Variants in ABCC9 observed in about 807,000 individuals in gnomAD.
ABCC9 encodes ATP-binding cassette sub-family C member 9.
ABCC9 carries 95 observed loss-of-function variants against 188.3 expected under a neutral mutation model. The observed-to-expected ratio is 0.50, with a 90% CI of 0.43 to 0.60. The LOEUF (loss-of-function observed/expected upper bound fraction) is 0.60. Ranked by LOEUF, ABCC9 falls within the 20% of genes least tolerant of loss-of-function variation. ABCC9 has a pLI of 0.00. For synonymous variants in ABCC9, 659 were observed against 652.7 expected, an observed-to-expected ratio of 1.01 and a Z score of -0.15; for missense variants, 1,102 against 1,876.3, an observed-to-expected ratio of 0.59 and a Z score of 7.62.
chr12:21,829,278 T>C (rs1202764677), intron 30 of ABCC9, among the ~76,000 whole-genome samples: 1 of 129,988 alleles, frequency 7.7e-6, no homozygotes, highest in Non-Finnish European at 1.6e-5. Context: ...CTCGGCTCAC[T>C]GCAAGCTCCG....
chr12:21,907,195 A>G (rs1295004747), intron 11 of ABCC9, among the ~76,000 whole-genome samples: 3 of 152,038 alleles, frequency 2.0e-5, no homozygotes, highest in African/African-American at 7.2e-5. Context: ...GGGAATCATC[A>G]TATCTCTCCT....
intron 18 of ABCC9, among the ~76,000 whole-genome samples, chr12:21,868,760 A>T (rs564944041): frequency 2.6e-5 from 4 of 152,100 alleles, no homozygotes; most frequent in South Asian, 4.2e-4. Flanking sequence ...TTTGAGCTTT[A>T]AAAAAAACGA....
At chr12:21,903,183 A>C (rs976867342) in intron 12 of ABCC9, among the ~76,000 whole-genome samples, 2 of 152,208 alleles carry the variant, frequency 1.3e-5, no homozygotes, top group African/African-American at 4.8e-5. Context: ...CAAAAACCAC[A>C]TGATTATCTC....
chr12:21,860,159 T>A (rs952724431), intron 21 of ABCC9, among the ~76,000 whole-genome samples: 1 of 152,230 alleles, frequency 6.6e-6, no homozygotes, highest in African/African-American at 2.4e-5. Context: ...TTTACATTTT[T>A]AAATTTCTCT....
At chr12:21,859,110 G>T (rs548085606) in intron 22 of ABCC9, among the ~76,000 whole-genome samples, 2 of 152,238 alleles carry the variant, frequency 1.3e-5, no homozygotes, top group East Asian at 3.9e-4. Context: ...TATGCCACAG[G>T]TCTAGAGCAA....
chr12:21,910,980 TG>T lies in ABCC9; in HGVS notation c.1012-3del, dbSNP rs1565475626. 1.9e-6 allele frequency: 3 copies of T among 1,611,912 alleles called. No individual in the cohort carries two copies. The South Asian group carries it at 3.3e-5, about 18-fold the overall frequency. Reference sequence around the variant, plus strand: ...CTTTGATGAGAGGGTTTCTGAAATCTGGTCCCCAAAGAAAAAAAGTGTCATA... The same window carrying T: ...CTTTGATGAGAGGGTTTCTGAAATCTGTCCCCAAAGAAAAAAAGTGTCATA... On this transcript the variant is annotated splice_region_variant and splice_polypyrimidine_tract_variant and intron_variant, in intron 8 of 39. Transcript: ENST00000261200.
intron 30 of ABCC9, among the ~76,000 whole-genome samples, chr12:21,832,468 C>A (rs1302551163): frequency 6.6e-6 from 1 of 152,146 alleles, no homozygotes; most frequent in Admixed American, 6.5e-5. Flanking sequence ...AGGGCCATCC[C>A]ATTTTCAAGA....
At chr12:21,887,764 C>G in intron 15 of ABCC9, 62 bp downstream of exon 15, 1 of 1,047,966 alleles carries the variant, frequency 9.5e-7, no homozygotes, top group Non-Finnish European at 1.5e-6. Flanking sequence ...TTGTATTAAT[C>G]TGTCCATTCT....
At chr12:21,925,681 C>G in intron 5 of ABCC9, 1 of 628,042 alleles carries the variant, frequency 1.6e-6, no homozygotes, top group South Asian at 1.9e-5. Context: ...CTTTCTTCCC[C>G]CACCCCCCTA....
At chr12:21,810,811 C>A (rs1320181660) in intron 36 of ABCC9, among the ~76,000 whole-genome samples, 1 of 152,164 alleles carries the variant, frequency 6.6e-6, no homozygotes, top group Non-Finnish European at 1.5e-5. Context: ...TTACTTGACA[C>A]ATCCAGAAGT....
Position 21,915,514 on chromosome 12 carries a change from A to ATATATATATTTTTTTTTTTTTTTTTT in ABCC9, c.816+153_816+154insAAAAAAAAAAAAAAAAAATATATATA. Among the ~76,000 whole-genome samples the ATATATATATTTTTTTTTTTTTTTTTT allele has an allele frequency of 2.8e-3, 10 of 3,522 alleles. 4 individuals carry two copies. Among genetic ancestry groups the ATATATATATTTTTTTTTTTTTTTTTT allele is most frequent in the Admixed American group, 0.013 (2 of 150 alleles). The allele number at this position is 3,522 out of a possible 152,430, so 2.3% of individuals were successfully genotyped here. On this transcript the variant is annotated intron_variant, in intron 7 of 39. Transcript: ENST00000261200. ...TGTGTGTGTGTGTATATATATATAT[A>ATATATATATTTTTTTTTTTTTTTTTT]TTTTTTTTTTTTTTTTGAGACAGAG...
chr12:21,825,621 C>T (rs1943328541), intron 31 of ABCC9, among the ~76,000 whole-genome samples: 1 of 134,036 alleles, frequency 7.5e-6, no homozygotes, highest in Non-Finnish European at 1.6e-5. Flanking sequence ...GGGAGGGGAA[C>T]ATTATACATT....
chr12:21,817,469 G>A (rs748729487), intron 32 of ABCC9, among the ~76,000 whole-genome samples, 162 bp from the exon 33 acceptor site: 7 of 152,110 alleles, frequency 4.6e-5, no homozygotes, highest in Non-Finnish European at 1.0e-4. Context: ...AATGTCATGC[G>A]ATATATCAGC....
chr12:21,852,317 TTTATATGACTATAATATAAAAA>T (rs1330789950), intron 23 of ABCC9, 29 bp downstream of exon 23: 3 of 1,612,574 alleles, frequency 1.9e-6, no homozygotes, highest in African/African-American at 2.7e-5. Flanking sequence ...ACTGTCTCTA[TTTATATGACTATAATATAAAAA>T]TGAGCAAAAT....
At chr12:21,904,633 C>G (rs1947942457) in intron 12 of ABCC9, among the ~76,000 whole-genome samples, 1 of 152,212 alleles carries the variant, frequency 6.6e-6, no homozygotes, top group African/African-American at 2.4e-5. Flanking sequence ...TGAACAGACA[C>G]TTCTCAAAAG....
intron 5 of ABCC9, among the ~76,000 whole-genome samples, chr12:21,918,513 A>T (rs1478559762): frequency 6.6e-6 from 1 of 152,194 alleles, no homozygotes; most frequent in Non-Finnish European, 1.5e-5. Context: ...CAATAAAGTT[A>T]AATTTAAAAA....
intron 5 of ABCC9, chr12:21,922,933 A>G (rs1034732563): frequency 6.6e-6 from 1 of 151,548 alleles, no homozygotes; most frequent in Non-Finnish European, 1.5e-5. Context: ...AAATCTATGA[A>G]TACATCAAAG....
At chr12:21,868,071 T>C (rs1250080413) in intron 18 of ABCC9, among the ~76,000 whole-genome samples, 1 of 152,208 alleles carries the variant, frequency 6.6e-6, no homozygotes, top group African/African-American at 2.4e-5. Context: ...ATGTGCACAT[T>C]GGCATTCTGA....
chr12:21,923,922 A>G (rs1164062564), intron 5 of ABCC9: 2 of 664,674 alleles, frequency 3.0e-6, no homozygotes, highest in African/African-American at 3.6e-5. Context: ...ATACAATGAA[A>G]TGCAACAATA....
Sources: allele counts gnomAD v4.1 joint callset (sites outside exome capture counted in the v4.1 genomes callset), GRCh38; gene constraint gnomAD v4.1.1; transcripts MANE v1.5; gene names NCBI Gene and HGNC (gene_info 2026-07-23, HGNC 2026-07-21).